SP6: variants seen among roughly 807,000 people sequenced by gnomAD.
SP6 encodes the protein Sp6 transcription factor, also known as transcription factor Sp6.
A neutral mutation model predicts 23.4 loss-of-function variants in SP6; 10 were observed. That is an observed-to-expected ratio of 0.43 (90% CI 0.26 to 0.72). SP6 has a LOEUF of 0.72. Ranked by LOEUF, SP6 falls within the 30% of genes least tolerant of loss-of-function variation. SP6 has a pLI of 0.23. For synonymous variants in SP6, 238 were observed against 238.7 expected (o/e 1.00, Z 0.03); for missense variants, 482 against 523.8 (o/e 0.92, Z 0.78).
rs1445123712 is a variant in SP6, at chr17:47,848,352, C to G, written c.78G>C (p.Leu26=). The G allele has an allele frequency of 6.2e-7, 1 of 1,600,382 alleles. No homozygotes were observed. The highest frequency in any genetic ancestry group is 8.5e-7 in the Non-Finnish European group (1 of 1,173,536). Residue 26 remains leucine, a synonymous_variant, in exon 2 of 2, where the codon CTG becomes CTC. Coordinates refer to ENST00000536300, the MANE Select transcript of SP6 (RefSeq NM_001258248.2). The surrounding 1 kb of genome is among the most constrained non-coding windows in gnomAD (Gnocchi z 5.3). The part of the protein sequence containing the change: ...APHASPPRLD[L]QPLQTYQGHT... ...GGCCCTGGTAAGTTTGGAGAGGCTG[C>G]AGGTCGAGGCGCGGCGGGGAGGCGT...
chr17:47,845,323 G>C lies in SP6; in HGVS notation c.*1976C>G, dbSNP rs1274876735. On this transcript the variant is annotated 3_prime_UTR_variant, in exon 2 of 2. Coordinates refer to ENST00000536300, the MANE Select transcript of SP6 (RefSeq NM_001258248.2). ...CCCTCTCCACCTGGCCAGGCAACCT[G>C]CAGGCACTGCCAAATCTCCTCCTGC... The C allele has an allele frequency of 6.6e-6, 1 of 152,208 alleles. No individual in the cohort carries two copies. The highest frequency in any genetic ancestry group is 1.5e-5 in the Non-Finnish European group (1 of 68,040). 9.4% of individuals were successfully genotyped at this position (152,208 alleles called of 1,614,324 possible).
chr17:47,852,763 G>A (rs1049030822), upstream of SP6, among the ~76,000 whole-genome samples: 1 of 152,064 alleles, frequency 6.6e-6, no homozygotes, highest in African/African-American at 2.4e-5. Flanking sequence ...AATCGACGTC[G>A]GATTCATCTG....
the SP6 span, among the ~76,000 whole-genome samples, chr17:47,862,494 C>T: frequency 2.3e-5 from 3 of 133,152 alleles, no homozygotes; most frequent in Admixed American, 9.0e-5. Context: ...GGCCACAGAG[C>T]GAGACTTTGT....
chr17:47,857,809 G>A (rs886659478), upstream of SP6, among the ~76,000 whole-genome samples: 1 of 152,246 alleles, frequency 6.6e-6, no homozygotes, highest in East Asian at 1.9e-4. Context: ...GGCCTTTGGA[G>A]CCAGAAGAGG....
the SP6 span, chr17:47,864,702 C>G: frequency 2.0e-5 from 3 of 152,306 alleles, no homozygotes; most frequent in African/African-American, 7.2e-5. Flanking sequence ...ATGGGCAGCT[C>G]TTACAGGAAA....
upstream of SP6, among the ~76,000 whole-genome samples, chr17:47,852,817 A>G (rs1387168392): frequency 1.3e-5 from 2 of 152,170 alleles, no homozygotes; most frequent in Admixed American, 6.5e-5. Flanking sequence ...CATCCGGACA[A>G]CCTGGGTACA....
At chr17:47,868,477 C>T in the SP6 span, among the ~76,000 whole-genome samples, 9 of 152,318 alleles carry the variant, frequency 5.9e-5, no homozygotes, top group South Asian at 1.0e-3. Flanking sequence ...GGGCACTGAG[C>T]CTTCCCACTT....
chr17:47,854,186 TTCA>T (rs1336248143), upstream of SP6, among the ~76,000 whole-genome samples: 2 of 152,204 alleles, frequency 1.3e-5, no homozygotes, highest in East Asian at 3.8e-4. Context: ...CTTCTCAAGC[TTCA>T]TCTATAGTCA....
Position 47,848,547 on chromosome 17 carries a change from CCAGGTCCTCCTCT to C in SP6, c.-57-74_-57-62del. 2 of 937,034 alleles carry C rather than the reference CCAGGTCCTCCTCT, an allele frequency of 2.1e-6. No homozygotes were observed. The highest frequency in any genetic ancestry group is 3.1e-6 in the Non-Finnish European group (2 of 637,592). 58.0% of individuals were successfully genotyped at this position (937,034 alleles called of 1,614,324 possible). A position where few individuals can be genotyped will look rare whatever the true frequency, so the allele number is the denominator to read the frequency against. ...TAACCAGCTCACTTTCCCTCCTAAC[CCAGGTCCTCCTCT>C]CTGGCCCCAGGTGTAAAAGAAGGAT... On this transcript the variant is annotated intron_variant, in intron 1 of 1. Coordinates refer to ENST00000536300, the MANE Select transcript of SP6 (RefSeq NM_001258248.2). The surrounding 1 kb of genome is among the most constrained non-coding windows in gnomAD (Gnocchi z 5.3).
chr17:47,852,436 G>T (rs554396732), upstream of SP6, among the ~76,000 whole-genome samples: 5 of 151,696 alleles, frequency 3.3e-5, no homozygotes, highest in African/African-American at 1.2e-4. Flanking sequence ...TTTTTTCACA[G>T]GGGAATGCAG....
chr17:47,847,479 T>A lies in SP6; in HGVS notation c.951A>T (p.Ala317=). ...THTGTKKFPC[A]VCSRVFMRSD... ...TGCGCATGAAGACGCGGCTGCAGAC[T>A]GCACAGGGGAACTTCTTGGTGCCGG... Residue 317 remains alanine (A), a synonymous_variant, in exon 2 of 2, where the codon GCA becomes GCT. Coordinates refer to ENST00000536300, the MANE Select transcript of SP6 (RefSeq NM_001258248.2). 1 of 1,613,740 alleles carries A rather than the reference T, an allele frequency of 6.2e-7. No homozygotes were observed. Among genetic ancestry groups the A allele is most frequent in the Non-Finnish European group, 8.5e-7 (1 of 1,179,924 alleles).
In SP6 at chr17:47,848,385, T is replaced by C. The variant is rs777059005; in HGVS notation, c.45A>G (p.Glu15=). The C allele has an allele frequency of 1.3e-6, 2 of 1,551,814 alleles. No individual in the cohort carries two copies. The highest frequency in any genetic ancestry group is 1.7e-6 in the Non-Finnish European group (2 of 1,149,428). The change falls in exon 2 of 2, where the codon GAA becomes GAG. Residue 15 remains glutamate, a synonymous_variant. Transcript: ENST00000536300. This position sits in a 1 kb window ranked among gnomAD's most constrained non-coding sequence, Gnocchi z 5.3. The part of the protein sequence containing the change: ...VCGSLGSQHT[E]APHASPPRLD... ...GGCGCGGCGGGGAGGCGTGCGGCGC[T>C]TCCGTGTGCTGGCTGCCCAGAGAGC...
Position 47,847,815 on chromosome 17 carries a change from G to C in SP6, c.615C>G (p.Ser205Arg). Residue 205 changes from serine (S) to arginine (R), a missense_variant, in exon 2 of 2, where the codon AGC becomes AGG. Coordinates refer to ENST00000536300, the MANE Select transcript of SP6 (RefSeq NM_001258248.2). ...AAPESQGLDS[S>R]LDGAARPKGS... ...CTTTGGGACGCGCCGCCCCGTCCAG[G>C]CTGGAATCCAGCCCTTGAGACTCCG... 1.3e-6 allele frequency: 2 copies of C among 1,531,306 alleles called. No homozygotes were observed. The highest frequency in any genetic ancestry group is 1.7e-6 in the Non-Finnish European group (2 of 1,143,034). The allele number at this position is 1,531,306 out of a possible 1,614,324, so 94.9% of individuals were successfully genotyped here.
In SP6 at chr17:47,847,396, C is replaced by T; in HGVS notation, c.1034G>A (p.Gly345Glu). Residue 345 changes from glycine (G) to glutamate (E), a missense_variant, in exon 2 of 2, where the codon GGG becomes GAG. Around this residue, in one of 3 missense-constraint regions of SP6, gnomAD observed 101 missense variants for 99.3 expected, o/e 1.02. Coordinates refer to ENST00000536300, the MANE Select transcript of SP6 (RefSeq NM_001258248.2). ...THEGAKEEAA[G>E]AASGEGKAGG... is the part of the protein sequence containing the mutation. ...GGCCTTGCCCTCTCCCGAGGCCGCC[C>T]CAGCCGCCTCCTCCTTGGCGCCCTC... 6.2e-7 allele frequency: 1 copy of T among 1,612,952 alleles called. No homozygotes were observed. The highest frequency in any genetic ancestry group is 8.5e-7 in the Non-Finnish European group (1 of 1,179,690).
In SP6 at chr17:47,846,264, C is replaced by G. The variant is rs1270844932; in HGVS notation, c.*1035G>C. ...TGGTCAGGTAGGCTGCAGGCCTCCA[C>G]TCTGAGTGGGAACCAGTGGAGGTCC... On this transcript the variant is annotated 3_prime_UTR_variant, in exon 2 of 2. Transcript: ENST00000536300. The G allele has an allele frequency of 6.6e-6, 1 of 152,184 alleles. No homozygotes were observed. The highest frequency in any genetic ancestry group is 1.5e-5 in the Non-Finnish European group (1 of 68,038). The allele number at this position is 152,184 out of a possible 1,614,324, so 9.4% of individuals were successfully genotyped here.
chr17:47,871,020 A>G, the SP6 span, among the ~76,000 whole-genome samples: 1 of 152,180 alleles, frequency 6.6e-6, no homozygotes, highest in Admixed American at 6.5e-5. Context: ...CCCTCCTTCT[A>G]GCAGGTGGAG....
At chr17:47,875,364 C>T in the SP6 span, among the ~76,000 whole-genome samples, 1 of 152,140 alleles carries the variant, frequency 6.6e-6, no homozygotes, top group Non-Finnish European at 1.5e-5. Flanking sequence ...CTTGCAGTGC[C>T]AGGGCTGTTA....
chr17:47,870,163 C>T, the SP6 span, among the ~76,000 whole-genome samples: 2 of 152,172 alleles, frequency 1.3e-5, no homozygotes, highest in African/African-American at 4.8e-5. Context: ...ACACACTAAC[C>T]TATTTCACTT....
At chr17:47,873,322 T>C in the SP6 span, among the ~76,000 whole-genome samples, 1 of 152,144 alleles carries the variant, frequency 6.6e-6, no homozygotes, top group African/African-American at 2.4e-5. Flanking sequence ...TGCAAAGGAC[T>C]TTCCCCTCTT....
Sources: allele counts gnomAD v4.1 joint callset (sites outside exome capture counted in the v4.1 genomes callset), GRCh38; gene constraint gnomAD v4.1.1; regional missense constraint gnomAD v4.1.1; non-coding constraint Gnocchi (gnomAD v3.1); transcripts MANE v1.5; gene names NCBI Gene and HGNC (gene_info 2026-07-23, HGNC 2026-07-21).